The following MBNL2 variants were observed in gnomAD, a reference collection of about 807,000 sequenced individuals.
The protein encoded by MBNL2 is muscleblind-like protein 2.
MBNL2 carries 17 observed loss-of-function variants against 41.9 expected under a neutral mutation model. That is an observed-to-expected ratio of 0.41 (90% CI 0.28 to 0.61). The LOEUF (loss-of-function observed/expected upper bound fraction) is 0.61, where lower values mean the gene tolerates loss of function less well. Ranked by LOEUF, MBNL2 falls within the 20% of genes least tolerant of loss-of-function variation. The pLI is 0.35. For synonymous variants in MBNL2, 195 were observed against 182.9 expected (o/e 1.07, Z -0.53); for missense variants, 336 against 505.6 (o/e 0.66, Z 3.22).
upstream of MBNL2, among the ~76,000 whole-genome samples, chr13:97,217,270 C>T (rs1284733994): frequency 6.6e-6 from 1 of 152,062 alleles, no homozygotes; most frequent in Non-Finnish European, 1.5e-5. Context: ...ATCCATTTAA[C>T]CATTCAACAA....
chr13:97,209,771 A>G, the MBNL2 span, among the ~76,000 whole-genome samples: 5 of 152,134 alleles, frequency 3.3e-5, no homozygotes. Flanking sequence ...AAGTTCTTTA[A>G]AAAAAGACAC....
intron 2 of MBNL2, among the ~76,000 whole-genome samples, chr13:97,313,341 AACTGC>A (rs1315243768): frequency 6.6e-6 from 1 of 152,168 alleles, no homozygotes; most frequent in Non-Finnish European, 1.5e-5. Flanking sequence ...CCATGCATCT[AACTGC>A]ACTCTTGTCT....
intron 2 of MBNL2, among the ~76,000 whole-genome samples, chr13:97,319,443 A>T (rs996392357): frequency 3.3e-5 from 5 of 152,066 alleles, no homozygotes; most frequent in African/African-American, 1.2e-4. Flanking sequence ...CGTGAGGGTG[A>T]TAGAAGACTC....
At chr13:97,193,593 C>T in the MBNL2 span, among the ~76,000 whole-genome samples, 6 of 152,060 alleles carry the variant, frequency 3.9e-5, no homozygotes, top group Admixed American at 3.9e-4. Context: ...TAGTTTCTAC[C>T]TTTGGGATTT....
At chr13:97,330,909 A>C (rs982771944) in intron 2 of MBNL2, among the ~76,000 whole-genome samples, 1 of 152,152 alleles carries the variant, frequency 6.6e-6, no homozygotes. Flanking sequence ...GTGGTGCATA[A>C]TTCTTCAAAA....
chr13:97,297,292 A>T (rs191659317), intron 2 of MBNL2, among the ~76,000 whole-genome samples: 1 of 152,154 alleles, frequency 6.6e-6, no homozygotes, highest in Non-Finnish European at 1.5e-5. Context: ...CAAATTGCTG[A>T]TAGTCAGGAG....
the MBNL2 span, among the ~76,000 whole-genome samples, chr13:97,209,779 C>T: frequency 6.6e-6 from 1 of 152,118 alleles, no homozygotes; most frequent in Non-Finnish European, 1.5e-5. Flanking sequence ...TAAAAAAAGA[C>T]ACTGACTTCT....
At chr13:97,202,239 A>G in the MBNL2 span, among the ~76,000 whole-genome samples, 3 of 152,240 alleles carry the variant, frequency 2.0e-5, no homozygotes, top group African/African-American at 7.2e-5. Flanking sequence ...AAATTGGGTG[A>G]TGCATACATG....
At chr13:97,355,157 T>C (rs556956125) in intron 5 of MBNL2, among the ~76,000 whole-genome samples, 8 of 152,282 alleles carry the variant, frequency 5.3e-5, no homozygotes, top group African/African-American at 1.4e-4. Flanking sequence ...ACGTTCACAA[T>C]TGTACTTTCA....
chr13:97,386,922 C>T (rs1362256256), intron 8 of MBNL2, among the ~76,000 whole-genome samples: 2 of 151,926 alleles, frequency 1.3e-5, no homozygotes, highest in African/African-American at 4.8e-5. Context: ...AGAGGGGCCA[C>T]TGAAGATTTA....
intron 1 of MBNL2, among the ~76,000 whole-genome samples, chr13:97,235,198 C>G (rs2043045721): frequency 1.3e-5 from 2 of 152,142 alleles, no homozygotes; most frequent in Non-Finnish European, 2.9e-5. Context: ...GGCCCCTACT[C>G]TATCACAAAC....
intron 2 of MBNL2, among the ~76,000 whole-genome samples, chr13:97,311,236 C>A (rs1194199083): frequency 2.0e-5 from 3 of 152,182 alleles, no homozygotes; most frequent in African/African-American, 7.2e-5. Flanking sequence ...CAAGCAAACA[C>A]AATGCCGGCA....
intron 7 of MBNL2, among the ~76,000 whole-genome samples, chr13:97,362,320 A>AC (rs1340964918): frequency 1.3e-5 from 2 of 151,940 alleles, no homozygotes; most frequent in Non-Finnish European, 1.5e-5. Context: ...GGAATGCTCA[A>AC]CCTGTACTAT....
intron 1 of MBNL2, among the ~76,000 whole-genome samples, chr13:97,231,345 C>T (rs551393436): frequency 1.1e-3 from 170 of 152,314 alleles, no homozygotes; most frequent in African/African-American, 3.9e-3. Flanking sequence ...GGTCAAGATT[C>T]TACATTTGTA....
Position 97,281,752 on chromosome 13 carries a change from A to G in MBNL2, c.174+5343A>G, listed in dbSNP as rs574311824. Among the ~76,000 whole-genome samples the G allele has an allele frequency of 5.7e-4, 87 of 152,366 alleles. 1 individual carries two copies. Among genetic ancestry groups the G allele is most frequent in the African/African-American group, 1.1e-3 (45 of 41,586 alleles). The stretch of plus-strand genomic sequence containing the variant: ...TAATCATTGTAGTAACATAGAGCCT[A>G]CTATATGCCAGGTACTTTTCGTGCA... On this transcript the variant is annotated intron_variant, in intron 2 of 8. Coordinates refer to ENST00000679496, the MANE Select transcript of MBNL2 (RefSeq NM_001382683.1).
At chr13:97,299,648 ATATCTATCTATC>A (rs59785563) in intron 2 of MBNL2, among the ~76,000 whole-genome samples, 62 of 149,370 alleles carry the variant, frequency 4.2e-4, no homozygotes, top group Admixed American at 1.6e-3. Context: ...TAGAATTACT[ATATCTATCTATC>A]TATCTATCTA....
chr13:97,288,282 C>T (rs1238145999), intron 2 of MBNL2, among the ~76,000 whole-genome samples: 1 of 152,184 alleles, frequency 6.6e-6, no homozygotes, highest in Admixed American at 6.5e-5. Context: ...AGCAAACTCA[C>T]TCATTTGAGT....
At chr13:97,164,759 T>C in the MBNL2 span, among the ~76,000 whole-genome samples, 2 of 152,178 alleles carry the variant, frequency 1.3e-5, no homozygotes, top group Admixed American at 1.3e-4. Context: ...GGGAAAAATG[T>C]CTCTTAATTC....
In MBNL2 at chr13:97,292,986, A is replaced by G. The variant is rs182361542; in HGVS notation, c.174+16577A>G. Among the ~76,000 whole-genome samples the G allele has an allele frequency of 2.6e-5, 4 of 152,160 alleles. No individual in the cohort carries two copies. In the East Asian group the frequency reaches 7.7e-4, roughly 29 times the overall value. ...CCAGAGGTGTGTCTGTTTTATTTGA[A>G]GAACCTGTTCTTGATCTTAGCTACC... On this transcript the variant is annotated intron_variant, in intron 2 of 8. Coordinates refer to ENST00000679496, the MANE Select transcript of MBNL2 (RefSeq NM_001382683.1).
Sources: gnomAD v4.1 joint callset for allele counts (sites outside exome capture counted in the v4.1 genomes callset) on GRCh38, gnomAD v4.1.1 for gene constraint, MANE v1.5 for transcripts, NCBI Gene and HGNC (gene_info 2026-07-23, HGNC 2026-07-21) for gene names.